Variants in GRIK3 observed in about 807,000 individuals in gnomAD.
The protein encoded by GRIK3 is glutamate ionotropic receptor kainate type subunit 3, also known as glutamate receptor ionotropic, kainate 3.
Under a neutral mutation model 102.5 loss-of-function variants are expected in GRIK3, and 29 were observed. The observed-to-expected ratio is 0.28, with a 90% confidence interval of 0.21 to 0.39. The LOEUF is 0.39. Among genes scored for constraint, GRIK3 ranks in the 10% least tolerant of loss-of-function variants. The pLI is 1.00. For synonymous variants in GRIK3, 511 were observed against 504.9 expected (o/e 1.01, Z -0.16); for missense variants, 908 against 1,252.4 (o/e 0.73, Z 4.15).
chr1:36,849,925 G>A (rs755309035), intron 9 of GRIK3: 10 of 196,858 alleles, frequency 5.1e-5, no homozygotes, highest in Non-Finnish European at 6.2e-5. Flanking sequence ...CTCGAGGTGT[G>A]GCCACAGCAC....
chr1:36,843,414 G>A lies in GRIK3; in HGVS notation c.1327-1475C>T, dbSNP rs367720068. On this transcript the variant is annotated intron_variant, in intron 9 of 15. Transcript: ENST00000373091. ...TGTTTGACTTAAGCCTCACTAGCTTGCAAGATAGTAACACTGTCCTTATGT... is the reference window on the plus strand; with the variant it reads ...TGTTTGACTTAAGCCTCACTAGCTTACAAGATAGTAACACTGTCCTTATGT... Among the ~76,000 whole-genome samples, 33 of 152,288 alleles carry A rather than the reference G, an allele frequency of 2.2e-4. No individual in the cohort carries two copies. In the East Asian group the frequency reaches 6.2e-3, roughly 29 times the overall value.
At chr1:36,968,651 C>G (rs1192724651) in intron 1 of GRIK3, among the ~76,000 whole-genome samples, 3 of 152,220 alleles carry the variant, frequency 2.0e-5, no homozygotes, top group Non-Finnish European at 2.9e-5. Flanking sequence ...TGCTGCCCCT[C>G]TTTACAATCT....
chr1:37,018,940 C>T (rs1199049507), intron 1 of GRIK3, among the ~76,000 whole-genome samples: 1 of 152,138 alleles, frequency 6.6e-6, no homozygotes, highest in Non-Finnish European at 1.5e-5. Context: ...TTTGCTGCAA[C>T]CCCAGAAATA....
intron 15 of GRIK3, among the ~76,000 whole-genome samples, chr1:36,803,012 C>T (rs1166015887): frequency 6.6e-6 from 1 of 152,034 alleles, no homozygotes; most frequent in Non-Finnish European, 1.5e-5. Flanking sequence ...ACGGATAAGG[C>T]CATAGCCCAC....
In GRIK3 at chr1:36,891,316, C is replaced by A. The variant is rs1019309992; in HGVS notation, c.116-220G>T. Among the ~76,000 whole-genome samples, 4 of 152,084 alleles carry A rather than the reference C, an allele frequency of 2.6e-5. No homozygotes were observed. In the East Asian group the frequency reaches 7.7e-4, roughly 29 times the overall value. On this transcript the variant is annotated intron_variant, in intron 1 of 15. Transcript: ENST00000373091. The stretch of plus-strand genomic sequence containing the variant: ...CCAGCAAATTCCTGATAACAGAGCC[C>A]GACAGGGCCAAAATAAGATTACCAA...
At chr1:37,007,559 C>T (rs1014855569) in intron 1 of GRIK3, among the ~76,000 whole-genome samples, 4 of 152,222 alleles carry the variant, frequency 2.6e-5, no homozygotes, top group Non-Finnish European at 5.9e-5. Flanking sequence ...TCGGGAGCCA[C>T]CGGGCCTGGC....
At chr1:36,936,521 C>T (rs1297274387) in intron 1 of GRIK3, among the ~76,000 whole-genome samples, 1 of 152,202 alleles carries the variant, frequency 6.6e-6, no homozygotes, top group Non-Finnish European at 1.5e-5. Flanking sequence ...TGAAAGGGCA[C>T]CTCGGCTGAT....
intron 1 of GRIK3, among the ~76,000 whole-genome samples, chr1:36,955,133 G>A (rs971217250): frequency 2.6e-5 from 4 of 152,238 alleles, no homozygotes; most frequent in Non-Finnish European, 5.9e-5. Context: ...TGGGTCCTGA[G>A]CTCACTGATT....
chr1:37,031,978 A>T (rs1642832959), intron 1 of GRIK3, among the ~76,000 whole-genome samples: 1 of 152,300 alleles, frequency 6.6e-6, no homozygotes, highest in South Asian at 2.1e-4. Context: ...ACCCCAGTCC[A>T]TGGGCTGAGA....
chr1:36,822,393 T>C (rs866365707), intron 11 of GRIK3, among the ~76,000 whole-genome samples: 3 of 152,110 alleles, frequency 2.0e-5, no homozygotes, highest in African/African-American at 7.2e-5. Context: ...ACGGTGCCCA[T>C]TTTACAGATG....
intron 13 of GRIK3, among the ~76,000 whole-genome samples, chr1:36,810,571 G>A (rs1179151918): frequency 6.6e-6 from 1 of 152,214 alleles, no homozygotes; most frequent in Non-Finnish European, 1.5e-5. Flanking sequence ...GAGAATGTAT[G>A]TAAGTCTATA....
At chr1:37,030,238 A>G (rs1339969628) in intron 1 of GRIK3, among the ~76,000 whole-genome samples, 1 of 152,186 alleles carries the variant, frequency 6.6e-6, no homozygotes, top group Non-Finnish European at 1.5e-5. Flanking sequence ...CTGCTCCTAC[A>G]AGGCAGCGAT....
intron 9 of GRIK3, among the ~76,000 whole-genome samples, chr1:36,844,371 G>T (rs1640495987): frequency 6.6e-6 from 1 of 152,268 alleles, no homozygotes; most frequent in South Asian, 2.1e-4. Flanking sequence ...TGGGAAAAGT[G>T]CTGAGGCTGG....
chr1:36,978,069 C>G (rs532137288), intron 1 of GRIK3, among the ~76,000 whole-genome samples: 2 of 152,218 alleles, frequency 1.3e-5, no homozygotes, highest in Admixed American at 1.3e-4. Context: ...TGTCATAGCA[C>G]GACGCAATTT....
At chr1:36,933,800 A>G (rs775618601) in intron 1 of GRIK3, among the ~76,000 whole-genome samples, 10 of 152,128 alleles carry the variant, frequency 6.6e-5, no homozygotes, top group Middle Eastern at 3.2e-3. Flanking sequence ...TCCCTTCTCT[A>G]TTTCTTCAGC....
chr1:36,813,236 G>A (rs1642582708), intron 13 of GRIK3, among the ~76,000 whole-genome samples: 1 of 152,208 alleles, frequency 6.6e-6, no homozygotes, highest in Non-Finnish European at 1.5e-5. Flanking sequence ...TTCAAATGGA[G>A]ATGATAATAA....
rs1055337070 is a variant in GRIK3 at position 37,022,675 on chromosome 1, A to G, written c.115+11319T>C. ...AGAATCTAACAACATCCTTCATAAA[A>G]TCCTCATTGACAAAATGGAAAAAGT... On this transcript the variant is annotated intron_variant, in intron 1 of 15. Coordinates refer to ENST00000373091, the MANE Select transcript of GRIK3 (RefSeq NM_000831.4). Among the ~76,000 whole-genome samples, 4 of 152,322 alleles carry G rather than the reference A, an allele frequency of 2.6e-5. No homozygotes were observed. The South Asian group carries it at 8.3e-4, about 32-fold the overall frequency.
At position 36,817,189 on chromosome 1, in the gene GRIK3, C is replaced by T. The variant is rs777065201; in HGVS notation, c.1962G>A (p.Thr654=). ...CGGTCAGAAAGGCAGCCAGGTTGGC[C>T]GTGTAGGAAGAGATGATGATGAGCG... The part of the protein sequence containing the change: ...FFTLIIISSY[T]ANLAAFLTVE... Residue 654 remains threonine, a synonymous_variant, in exon 13 of 16, where the codon ACG becomes ACA. Coordinates refer to ENST00000373091, the MANE Select transcript of GRIK3 (RefSeq NM_000831.4). 7 of 1,613,662 alleles carry T rather than the reference C, an allele frequency of 4.3e-6. No individual in the cohort carries two copies. Among genetic ancestry groups the T allele is most frequent in the Admixed American group, 1.7e-5 (1 of 59,980 alleles).
chr1:36,884,559 C>T (rs1375947152), intron 2 of GRIK3, among the ~76,000 whole-genome samples: 1 of 152,152 alleles, frequency 6.6e-6, no homozygotes, highest in Non-Finnish European at 1.5e-5. Flanking sequence ...GAGATGGTAA[C>T]AGTGAGTGAC....
Sources: allele counts gnomAD v4.1 joint callset (sites outside exome capture counted in the v4.1 genomes callset), GRCh38; gene constraint gnomAD v4.1.1; transcripts MANE v1.5; gene names NCBI Gene and HGNC (gene_info 2026-07-23, HGNC 2026-07-21).